The following GRID2 variants were observed in gnomAD, a reference collection of about 807,000 sequenced individuals.
The protein encoded by GRID2 is glutamate ionotropic receptor delta type subunit 2, also known as glutamate receptor ionotropic, delta-2.
A neutral mutation model predicts 114.8 loss-of-function variants in GRID2; 33 were observed. The ratio of observed to expected loss-of-function variants is 0.29; its 90% CI spans 0.22 to 0.38. GRID2 has a LOEUF of 0.38. Ranked by LOEUF, GRID2 falls within the 10% of genes least tolerant of loss-of-function variation. GRID2 has a pLI of 1.00. For missense variants in GRID2, 1,184 were observed against 1,257.7 expected (o/e 0.94, Z 0.89); for synonymous variants, 505 against 449.9 (o/e 1.12, Z -1.55).
At chr4:93,808,635 C>T (rs557007307) in exon 2 of GRID2, 12 of 152,224 alleles carry the variant, frequency 7.9e-5, no homozygotes, top group African/African-American at 2.4e-4. Flanking sequence ...AGAAGTAGTC[C>T]GGAGGACCAA....
intron 14 of GRID2, among the ~76,000 whole-genome samples, chr4:93,646,024 A>G (rs184416827): frequency 9.7e-4 from 147 of 152,312 alleles, no homozygotes; most frequent in Non-Finnish European, 1.9e-3. Flanking sequence ...TATTCATTCA[A>G]TCAGTAAATA....
intron 8 of GRID2, among the ~76,000 whole-genome samples, chr4:93,316,335 AGAAAGAAG>A (rs1391870395): frequency 1.3e-3 from 62 of 48,352 alleles, no homozygotes; most frequent in African/African-American, 1.7e-3. Context: ...AAAGAAAGAA[AGAAAGAAG>A]GAAGGAAGGA....
At chr4:92,503,479 G>A (rs573024443) in intron 1 of GRID2, among the ~76,000 whole-genome samples, 1 of 152,074 alleles carries the variant, frequency 6.6e-6, no homozygotes, top group East Asian at 1.9e-4. Flanking sequence ...TTTTTTATGA[G>A]GTTTCCTAAA....
At chr4:93,200,438 C>T (rs1358818727) in intron 4 of GRID2, among the ~76,000 whole-genome samples, 1 of 151,868 alleles carries the variant, frequency 6.6e-6, no homozygotes, top group African/African-American at 2.4e-5. Flanking sequence ...TGGTAGCGGG[C>T]GCCTGTAGTC....
At chr4:93,755,394 C>T (rs1190731518) in intron 14 of GRID2, among the ~76,000 whole-genome samples, 6 of 152,094 alleles carry the variant, frequency 3.9e-5, no homozygotes, top group Non-Finnish European at 7.4e-5. Context: ...CCTTTCTGCA[C>T]GGAATTAGAC....
chr4:92,991,577 A>G (rs1248429487), intron 2 of GRID2, among the ~76,000 whole-genome samples: 3 of 152,216 alleles, frequency 2.0e-5, no homozygotes, highest in Admixed American at 1.3e-4. Flanking sequence ...GCAGTAAACA[A>G]AGTTAAAGAA....
At chr4:93,632,982 G>C (rs528005216) in intron 14 of GRID2, among the ~76,000 whole-genome samples, 1 of 152,058 alleles carries the variant, frequency 6.6e-6, no homozygotes, top group Non-Finnish European at 1.5e-5. Flanking sequence ...TGAAGCAATT[G>C]TGAATGGGAG....
chr4:93,727,514 G>T (rs1291451843), intron 14 of GRID2, among the ~76,000 whole-genome samples: 6 of 152,202 alleles, frequency 3.9e-5, no homozygotes, highest in Non-Finnish European at 8.8e-5. Flanking sequence ...ATGAGTTACG[G>T]AGGATTCCCT....
At chr4:93,418,968 C>T (rs528496793) in intron 9 of GRID2, among the ~76,000 whole-genome samples, 1 of 151,576 alleles carries the variant, frequency 6.6e-6, no homozygotes, top group Admixed American at 6.6e-5. Flanking sequence ...GATTATGATG[C>T]CTCCTTCTTC....
chr4:92,746,512 G>A (rs1310716110), intron 2 of GRID2, among the ~76,000 whole-genome samples: 1 of 151,998 alleles, frequency 6.6e-6, no homozygotes, highest in Non-Finnish European at 1.5e-5. Flanking sequence ...CAATTTACCA[G>A]TTATTAGATG....
chr4:93,376,183 C>A (rs1303190632), intron 8 of GRID2, among the ~76,000 whole-genome samples: 2 of 152,056 alleles, frequency 1.3e-5, no homozygotes, highest in East Asian at 3.9e-4. Flanking sequence ...GGCGTCAACA[C>A]CTAAATTTGG....
intron 8 of GRID2, chr4:93,302,484 G>A: frequency 2.3e-6 from 1 of 439,680 alleles, no homozygotes; most frequent in African/African-American, 2.0e-5. Flanking sequence ...AACTCTCACT[G>A]AGCAATGCGA....
intron 4 of GRID2, among the ~76,000 whole-genome samples, chr4:93,180,631 T>C (rs1287769910): frequency 6.6e-6 from 1 of 152,214 alleles, no homozygotes; most frequent in East Asian, 1.9e-4. Flanking sequence ...TCAACCTTGC[T>C]GCTGCTTTAT....
intron 13 of GRID2, among the ~76,000 whole-genome samples, chr4:93,596,815 A>G (rs1739154265): frequency 6.6e-6 from 1 of 152,246 alleles, no homozygotes; most frequent in Non-Finnish European, 1.5e-5. Flanking sequence ...ATCAGATTTA[A>G]TGTATTACAT....
intron 2 of GRID2, among the ~76,000 whole-genome samples, chr4:92,740,027 A>G (rs1435828835): frequency 4.6e-5 from 7 of 152,178 alleles, no homozygotes; most frequent in Admixed American, 4.6e-4. Flanking sequence ...AAATTTCAAT[A>G]TAGAATAATA....
chr4:93,305,858 A>G (rs925435196), intron 8 of GRID2, among the ~76,000 whole-genome samples: 5 of 137,082 alleles, frequency 3.6e-5, no homozygotes, highest in East Asian at 1.9e-4. Flanking sequence ...TCTCTGATCT[A>G]TATCCATTAG....
intron 1 of GRID2, among the ~76,000 whole-genome samples, chr4:92,436,950 A>G (rs1579356133): frequency 6.6e-6 from 1 of 152,318 alleles, no homozygotes; most frequent in East Asian, 1.9e-4. Flanking sequence ...ATACAATAGT[A>G]TAAAATATAT....
intron 2 of GRID2, among the ~76,000 whole-genome samples, chr4:93,039,859 A>T (rs1284712993): frequency 6.6e-6 from 1 of 152,192 alleles, no homozygotes; most frequent in African/African-American, 2.4e-5. Flanking sequence ...AACACATGTA[A>T]GTGCTCAATT....
chr4:93,257,481 C>A (rs1383271087), intron 8 of GRID2, among the ~76,000 whole-genome samples: 4 of 151,736 alleles, frequency 2.6e-5, no homozygotes, highest in African/African-American at 9.6e-5. Flanking sequence ...ACATTTTAAT[C>A]ATTTTCCTTA....
Sources: gnomAD v4.1 joint callset for allele counts (sites outside exome capture counted in the v4.1 genomes callset) on GRCh38, gnomAD v4.1.1 for gene constraint, MANE v1.5 for transcripts, NCBI Gene and HGNC (gene_info 2026-07-23, HGNC 2026-07-21) for gene names.